The following NEGR1 variants were observed in gnomAD, a reference collection of about 807,000 sequenced individuals.
NEGR1 encodes neuronal growth regulator 1.
NEGR1 carries 10 observed loss-of-function variants against 40.9 expected under a neutral mutation model. That is an observed-to-expected ratio of 0.24 (90% CI 0.15 to 0.42). The LOEUF (loss-of-function observed/expected upper bound fraction) is 0.42. Ranked by LOEUF, NEGR1 falls within the 10% of genes least tolerant of loss-of-function variation. The probability of loss-of-function intolerance (pLI) is 1.00; values close to 1 mark genes in which losing one functional copy is unlikely to be tolerated. For missense variants in NEGR1, 352 were observed against 438.9 expected (o/e 0.80, Z 1.77); for synonymous variants, 185 against 166.8 (o/e 1.11, Z -0.84).
intron 6 of NEGR1, among the ~76,000 whole-genome samples, chr1:71,506,096 T>G (rs761789937): frequency 1.3e-5 from 2 of 152,070 alleles, no homozygotes; most frequent in Non-Finnish European, 2.9e-5. Context: ...CTCCAAAAAT[T>G]TTTAGGTTTG....
At chr1:71,448,197 T>C (rs553399007) in intron 6 of NEGR1, among the ~76,000 whole-genome samples, 10 of 150,418 alleles carry the variant, frequency 6.6e-5, no homozygotes, top group African/African-American at 2.2e-4. Flanking sequence ...GAACGGAGCT[T>C]AGAAGAAGAG....
chr1:72,112,743 G>T (rs1649424510), intron 1 of NEGR1, among the ~76,000 whole-genome samples: 1 of 151,550 alleles, frequency 6.6e-6, no homozygotes, highest in Non-Finnish European at 1.5e-5. Flanking sequence ...CTTCAACAAT[G>T]TTTCTATTAA....
At chr1:71,592,509 C>T (rs1611913) in intron 6 of NEGR1, among the ~76,000 whole-genome samples, 136,196 of 152,184 alleles carry the variant, frequency 0.89, 62,298 homozygotes, top group Non-Finnish European at 1. Context: ...CAAAATCTCA[C>T]CAAATCTACT....
intron 6 of NEGR1, among the ~76,000 whole-genome samples, chr1:71,441,217 A>G (rs553817370): frequency 6.6e-6 from 1 of 152,364 alleles, no homozygotes; most frequent in East Asian, 1.9e-4. Flanking sequence ...CTCCAAAGTG[A>G]AGTTATCAAC....
In NEGR1 at chr1:71,776,295, G is replaced by A. The variant is rs2101718178; in HGVS notation, c.412C>T (p.Pro138Ser). 1.3e-6 allele frequency: 2 copies of A among 1,554,774 alleles called. No individual in the cohort carries two copies. The highest frequency in any genetic ancestry group is 1.2e-5 in the South Asian group (1 of 82,918). Reference sequence around the variant, plus strand: ...TTTGAGATGTCATATATCTTAGGAGGAACTGAAATGACAAAATACGCAGTG... The same window carrying A: ...TTTGAGATGTCATATATCTTAGGAGAAACTGAAATGACAAAATACGCAGTG... ...TMQVHLTVQV[P>S]PKIYDISNDM... The change falls in exon 3 of 7, where the codon CCT becomes TCT. Residue 138 changes from proline to serine, a missense_variant and splice_region_variant. Physicochemically the swap from Pro to Ser is moderately conservative, Grantham distance 74. This residue lies in a region of NEGR1 where 50 missense variants were observed against 53.0 expected (regional missense o/e 0.94). Transcript: ENST00000357731.
At chr1:72,199,332 A>G (rs1012190027) in intron 1 of NEGR1, among the ~76,000 whole-genome samples, 3 of 152,046 alleles carry the variant, frequency 2.0e-5, no homozygotes, top group Non-Finnish European at 2.9e-5. Context: ...TTGTTTAATT[A>G]TCACAACATC....
At chr1:71,749,839 A>C (rs536699990) in intron 3 of NEGR1, among the ~76,000 whole-genome samples, 85 of 152,328 alleles carry the variant, frequency 5.6e-4, no homozygotes, top group Admixed American at 1.9e-3. Flanking sequence ...AAGTACCAAA[A>C]AATGCTTATT....
In NEGR1 at chr1:71,505,607, C is replaced by A. The variant is rs556664384; in HGVS notation, c.940+87210G>T. Among the ~76,000 whole-genome samples, 4 of 152,256 alleles carry A rather than the reference C, an allele frequency of 2.6e-5. No homozygotes were observed. The South Asian group carries it at 8.3e-4, about 32-fold the overall frequency. On this transcript the variant is annotated intron_variant, in intron 6 of 6. Coordinates refer to ENST00000357731, the MANE Select transcript of NEGR1 (RefSeq NM_173808.3). ...CCTACACCCTCTTTAGTAAGATAGT[C>A]CTATAAACAGAAGTGGTTCAGTGTG...
At chr1:72,250,450 A>G (rs1027335167) in intron 1 of NEGR1, among the ~76,000 whole-genome samples, 2 of 152,198 alleles carry the variant, frequency 1.3e-5, no homozygotes, top group African/African-American at 4.8e-5. Flanking sequence ...GACTGTTTGT[A>G]AATGCAGCTG....
chr1:71,433,024 C>T (rs1459077841), intron 6 of NEGR1, among the ~76,000 whole-genome samples: 1 of 152,164 alleles, frequency 6.6e-6, no homozygotes, highest in South Asian at 2.1e-4. Flanking sequence ...GAAGTGGAAC[C>T]TTTTAGAATC....
chr1:71,620,374 C>A (rs1319310306), intron 4 of NEGR1, among the ~76,000 whole-genome samples: 7 of 151,912 alleles, frequency 4.6e-5, no homozygotes, highest in African/African-American at 1.7e-4. Flanking sequence ...GTCAAATGGA[C>A]AGTCTTTGGA....
intron 1 of NEGR1, among the ~76,000 whole-genome samples, chr1:72,133,869 G>A (rs1650348462): frequency 6.6e-6 from 1 of 151,556 alleles, no homozygotes; most frequent in African/African-American, 2.4e-5. Context: ...TAATAATCGA[G>A]TTTTACAGTA....
intron 1 of NEGR1, among the ~76,000 whole-genome samples, chr1:72,273,599 C>T (rs1242084786): frequency 1.3e-5 from 2 of 152,012 alleles, no homozygotes; most frequent in African/African-American, 4.8e-5. Context: ...TACACACACA[C>T]ACGCAAGTAC....
At chr1:71,608,180 A>G (rs987246198) in intron 5 of NEGR1, among the ~76,000 whole-genome samples, 1 of 152,174 alleles carries the variant, frequency 6.6e-6, no homozygotes, top group Non-Finnish European at 1.5e-5. Flanking sequence ...TATTGCCTCA[A>G]ATATAACCCT....
intron 2 of NEGR1, among the ~76,000 whole-genome samples, chr1:71,801,624 C>T (rs756242626): frequency 8.5e-5 from 13 of 152,184 alleles, no homozygotes; most frequent in Non-Finnish European, 1.8e-4. Context: ...TTCTCACACT[C>T]CACATATATT....
intron 6 of NEGR1, among the ~76,000 whole-genome samples, chr1:71,512,665 C>A (rs958099930): frequency 4.0e-5 from 6 of 151,818 alleles, no homozygotes; most frequent in Non-Finnish European, 8.8e-5. Context: ...TCACTACAAC[C>A]TGTGCCTCCC....
At chr1:71,940,528 A>G (rs1472256761) in intron 1 of NEGR1, among the ~76,000 whole-genome samples, 2 of 152,172 alleles carry the variant, frequency 1.3e-5, no homozygotes, top group Non-Finnish European at 2.9e-5. Flanking sequence ...TTTTTGCTTC[A>G]TGGTTTTAAT....
At chr1:72,147,305 G>T (rs1225685086) in intron 1 of NEGR1, among the ~76,000 whole-genome samples, 1 of 152,094 alleles carries the variant, frequency 6.6e-6, no homozygotes, top group Non-Finnish European at 1.5e-5. Context: ...GCAGTGAAAG[G>T]CACTTCTTAC....
chr1:71,816,085 G>A (rs1658196642), intron 2 of NEGR1, among the ~76,000 whole-genome samples: 1 of 152,014 alleles, frequency 6.6e-6, no homozygotes, highest in Admixed American at 6.6e-5. Flanking sequence ...TACTTATTTA[G>A]GAAATGCAGA....
Sources: allele counts gnomAD v4.1 joint callset (sites outside exome capture counted in the v4.1 genomes callset), GRCh38; gene constraint gnomAD v4.1.1; regional missense constraint gnomAD v4.1.1; transcripts MANE v1.5; gene names NCBI Gene and HGNC (gene_info 2026-07-23, HGNC 2026-07-21).